Variants in AREL1 observed in about 807,000 individuals in gnomAD.
The protein encoded by AREL1 is apoptosis resistant E3 ubiquitin protein ligase 1.
In AREL1, 62 loss-of-function variants were observed where a neutral mutation model predicts 99.0. That is an observed-to-expected ratio of 0.63 (90% CI 0.51 to 0.77). AREL1 has a LOEUF of 0.77. Ranked by LOEUF, AREL1 falls within the 30% of genes least tolerant of loss-of-function variation. AREL1 has a pLI of 0.00. For synonymous variants in AREL1, 380 were observed against 376.5 expected, an observed-to-expected ratio of 1.01 and a Z score of -0.11; for missense variants, 879 against 1,027.6, an observed-to-expected ratio of 0.86 and a Z score of 1.98.
intron 1 of AREL1, among the ~76,000 whole-genome samples, chr14:74,705,745 G>A (rs369787790): frequency 4.8e-4 from 73 of 152,268 alleles, no homozygotes; most frequent in African/African-American, 1.7e-3. Context: ...TCTTAATTCA[G>A]TTTGGATTCT....
intron 5 of AREL1, among the ~76,000 whole-genome samples, chr14:74,681,778 G>GAA: frequency 7.8e-6 from 1 of 128,448 alleles, no homozygotes; most frequent in South Asian, 2.5e-4. Context: ...AAAAAAAAAA[G>GAA]AAAAAAAAAA....
chr14:74,681,746 G>A (rs2089633105), intron 5 of AREL1, among the ~76,000 whole-genome samples: 1 of 150,474 alleles, frequency 6.6e-6, no homozygotes, highest in Non-Finnish European at 1.5e-5. Context: ...CTCCAGCCTG[G>A]CGACAGGGCG....
At chr14:74,698,696 G>A in intron 1 of AREL1, 1 of 157,632 alleles carries the variant, frequency 6.3e-6, no homozygotes, top group Non-Finnish European at 1.4e-5. Flanking sequence ...ATGTGCAAGT[G>A]GAAAAGCAGA....
Position 74,695,389 on chromosome 14 carries a change from A to G in AREL1, c.-333-3061T>C, listed in dbSNP as rs567782014. 2.0e-5 allele frequency among the ~76,000 whole-genome samples: 3 copies of G among 152,038 alleles called. No homozygotes were observed. In the South Asian group the frequency reaches 6.2e-4, roughly 32 times the overall value. ...GCCACCACACCCAGCCTGAACTTTT[A>G]TTTCTATTCACTATGATGTTAGCAG... On this transcript the variant is annotated intron_variant, in intron 1 of 19. Coordinates refer to ENST00000356357, the MANE Select transcript of AREL1 (RefSeq NM_001039479.2).
At chr14:74,682,292 T>C (rs1414858248) in intron 5 of AREL1, among the ~76,000 whole-genome samples, 2 of 152,174 alleles carry the variant, frequency 1.3e-5, no homozygotes, top group African/African-American at 2.4e-5. Flanking sequence ...ACTTCAAAAG[T>C]TACCCAGGGA....
rs1438046129 is a variant in AREL1 at position 74,674,120 on chromosome 14, C to G, written c.1081-9G>C. On this transcript the variant is annotated splice_polypyrimidine_tract_variant and intron_variant, in intron 8 of 19. Transcript: ENST00000356357. ...TCCTTCACTGAGAATTGCTGGAGGA[C>G]CAACAGACAGGAAATGAAGTGAATG... 1 of 1,609,500 alleles carries G rather than the reference C, an allele frequency of 6.2e-7. No individual in the cohort carries two copies. Among genetic ancestry groups the G allele is most frequent in the South Asian group, 1.1e-5 (1 of 90,926 alleles).
chr14:74,673,884 G>A (rs2089413177), intron 9 of AREL1, 150 bp downstream of exon 9: 1 of 580,972 alleles, frequency 1.7e-6, no homozygotes, highest in Non-Finnish European at 3.0e-6. Flanking sequence ...ATTTAGTGAG[G>A]AGATAATGAT....
In AREL1 at chr14:74,697,585, T is replaced by C. The variant is rs777481467; in HGVS notation, c.-333-5257A>G. On this transcript the variant is annotated intron_variant, in intron 1 of 19. Transcript: ENST00000356357. ...TACTCTTGAGATATTTATACAGTTGTCTATTTCTGCTATTGTGGTTTAGCC... is the reference window on the plus strand; with the variant it reads ...TACTCTTGAGATATTTATACAGTTGCCTATTTCTGCTATTGTGGTTTAGCC... 3.9e-5 allele frequency among the ~76,000 whole-genome samples: 6 copies of C among 152,338 alleles called. No homozygotes were observed. The East Asian group carries it at 5.8e-4, about 15-fold the overall frequency.
chr14:74,678,393 G>A (rs1045239132), intron 5 of AREL1: 2 of 302,330 alleles, frequency 6.6e-6, no homozygotes, highest in South Asian at 5.1e-5. Flanking sequence ...AGCTACTCGG[G>A]AGGTTGAGGC....
chr14:74,688,962 G>A (rs937271885), intron 2 of AREL1, among the ~76,000 whole-genome samples: 10 of 151,046 alleles, frequency 6.6e-5, no homozygotes, highest in African/African-American at 1.5e-4. Context: ...TCAGCCTCCC[G>A]AGTAGCTGGG....
chr14:74,678,165 T>C, intron 5 of AREL1: 1 of 453,154 alleles, frequency 2.2e-6, no homozygotes, highest in South Asian at 1.6e-5. Context: ...AAGAATAAAG[T>C]GGAGTCAGCT....
rs2089178747 is a variant in AREL1, at chr14:74,664,913, C to G, written c.2116G>C (p.Gly706Arg). The change falls in exon 18 of 20, where the codon GGG becomes CGG. Residue 706 changes from glycine to arginine, a missense_variant. Physicochemically the swap from Gly to Arg is moderately radical, Grantham distance 125. Coordinates refer to ENST00000356357, the MANE Select transcript of AREL1 (RefSeq NM_001039479.2). ...DENELELLMC[G>R]TGDISVSDFK... ...TCAGACACACTGATGTCTCCAGTCC[C>G]ACACATCAGCAGCTGGAAAAAGATG... is the stretch of plus-strand genomic sequence containing the variant. 1 of 1,613,424 alleles carries G rather than the reference C, an allele frequency of 6.2e-7. No homozygotes were observed. Among genetic ancestry groups the G allele is most frequent in the South Asian group, 1.1e-5 (1 of 91,058 alleles).
At chr14:74,670,190 CCTT>C in intron 13 of AREL1, 64 bp from the exon 14 acceptor site, 1 of 1,450,298 alleles carries the variant, frequency 6.9e-7, no homozygotes, top group Admixed American at 2.2e-5. Flanking sequence ...CTGGAAGGAC[CCTT>C]CCTTCCCCAA....
Position 74,676,114 on chromosome 14 carries a change from C to A in AREL1, c.832+27G>T, listed in dbSNP as rs770063917. ...GCAAAGAAACGGCTGAAGAACAGCA[C>A]TAAATCATACTTTTCTTTTAACTTA... On this transcript the variant is annotated intron_variant, in intron 7 of 19. Transcript: ENST00000356357. 2.5e-6 allele frequency: 4 copies of A among 1,604,298 alleles called. No homozygotes were observed. In the East Asian group the frequency reaches 8.9e-5, roughly 36 times the overall value.
At chr14:74,687,031 G>C (rs1197812305) in intron 2 of AREL1, among the ~76,000 whole-genome samples, 1 of 152,176 alleles carries the variant, frequency 6.6e-6, no homozygotes, top group African/African-American at 2.4e-5. Context: ...CTCTCAAAAA[G>C]CATCTGTCTG....
rs1254718427 is a variant in AREL1, at chr14:74,676,708, T to C, written c.526A>G (p.Thr176Ala). Residue 176 changes from threonine to alanine, a missense_variant, in exon 6 of 20, where the codon ACT becomes GCT. By Grantham distance (58) the Thr-to-Ala change is moderately conservative. Transcript: ENST00000356357. ...GGCTGCCCACAGGTCAATACAAGAG[T>C]AGAAAAGTGGCACACAATTTTGGTC... ...SKTKIVCHFS[T>A]LVLTCGQPHT... 2 of 1,612,068 alleles carry C rather than the reference T, an allele frequency of 1.2e-6. No individual in the cohort carries two copies. Among genetic ancestry groups the C allele is most frequent in the Non-Finnish European group, 1.7e-6 (2 of 1,179,104 alleles).
intron 1 of AREL1, among the ~76,000 whole-genome samples, chr14:74,709,486 A>G (rs1345509977): frequency 6.6e-6 from 1 of 152,222 alleles, no homozygotes; most frequent in Non-Finnish European, 1.5e-5. Flanking sequence ...TTACCTATTT[A>G]CAAGTCTTTC....
chr14:74,699,670 GA>G (rs1364905421), intron 1 of AREL1, among the ~76,000 whole-genome samples: 7 of 152,174 alleles, frequency 4.6e-5, no homozygotes, highest in African/African-American at 1.7e-4. Context: ...TATGCCATAG[GA>G]ACTTAATTCT....
rs1187596475 is a variant in AREL1, at chr14:74,670,120, G to A, written c.1615C>T (p.Pro539Ser). The change falls in exon 14 of 20, where the codon CCC becomes TCC. Residue 539 changes from proline (P) to serine (S), a missense_variant. Pro to Ser is a moderately conservative substitution (Grantham distance 74). Coordinates refer to ENST00000356357, the MANE Select transcript of AREL1 (RefSeq NM_001039479.2). The stretch of plus-strand genomic sequence containing the variant: ...AGATGAGCGGGGCGATTAGGGTTGG[G>A]ATGCACCTGTCCAAGAAAGAGACTG... ...FSDNNQALVH[P>S]NPNRPAHLRL... The A allele has an allele frequency of 3.7e-6, 6 of 1,602,522 alleles. No individual in the cohort carries two copies. The highest frequency in any genetic ancestry group is 5.1e-6 in the Non-Finnish European group (6 of 1,173,222).
Sources: gnomAD v4.1 joint callset for allele counts (sites outside exome capture counted in the v4.1 genomes callset) on GRCh38, gnomAD v4.1.1 for gene constraint, MANE v1.5 for transcripts, NCBI Gene and HGNC (gene_info 2026-07-23, HGNC 2026-07-21) for gene names.